CSMD1: variants seen among roughly 807,000 people sequenced by gnomAD.
The protein encoded by CSMD1 is CUB and Sushi multiple domains 1, also known as CUB and sushi domain-containing protein 1.
CSMD1 carries 213 observed loss-of-function variants against 417.5 expected under a neutral mutation model. The ratio of observed to expected loss-of-function variants is 0.51; its 90% CI spans 0.46 to 0.57. The LOEUF (loss-of-function observed/expected upper bound fraction) is 0.57. Among genes scored for constraint, CSMD1 ranks in the 20% least tolerant of loss-of-function variants. The pLI, the probability that CSMD1 is intolerant of heterozygous loss-of-function variation, is 0.00. For synonymous variants in CSMD1, 2,862 were observed against 1,736.8 expected (o/e 1.65, Z -16.11); for missense variants, 6,923 against 4,529.7 (o/e 1.53, Z -15.17).
intron 4 of CSMD1, among the ~76,000 whole-genome samples, chr8:3,999,875 G>C (rs961452854): frequency 2.6e-5 from 4 of 152,126 alleles, no homozygotes; most frequent in Non-Finnish European, 5.9e-5. Flanking sequence ...GTTGTGGAAA[G>C]GGCTGCCCAT....
In CSMD1 at chr8:4,030,659, G is replaced by T. The variant is rs193249452; in HGVS notation, c.610+1246C>A. 6.6e-4 allele frequency among the ~76,000 whole-genome samples: 101 copies of T among 152,268 alleles called. 1 individual carries two copies. Among genetic ancestry groups the T allele is most frequent in the African/African-American group, 2.3e-3 (97 of 41,566 alleles). ...TGGAGGCATTTTCCCCATGGTCTTG[G>T]GGATTAACTTTTGGCTTCTTGTTAC... On this transcript the variant is annotated intron_variant, in intron 4 of 69. Coordinates refer to ENST00000635120, the MANE Select transcript of CSMD1 (RefSeq NM_033225.6).
At chr8:3,471,183 G>A (rs934854255) in intron 11 of CSMD1, among the ~76,000 whole-genome samples, 1 of 152,240 alleles carries the variant, frequency 6.6e-6, no homozygotes, top group Admixed American at 6.5e-5. Context: ...GGTGTTGTCG[G>A]CATTTTTCCA....
At chr8:3,735,239 A>G (rs1360631916) in intron 6 of CSMD1, among the ~76,000 whole-genome samples, 1 of 152,154 alleles carries the variant, frequency 6.6e-6, no homozygotes, top group African/African-American at 2.4e-5. Flanking sequence ...TCTGATTTGG[A>G]TATTTAGTGA....
chr8:4,314,999 C>CA (rs1466356419), intron 3 of CSMD1, among the ~76,000 whole-genome samples: 1 of 152,132 alleles, frequency 6.6e-6, no homozygotes, highest in African/African-American at 2.4e-5. Flanking sequence ...ATAGTACTGA[C>CA]AGCCCCAGCC....
intron 1 of CSMD1, among the ~76,000 whole-genome samples, chr8:4,901,351 A>T (rs961565637): frequency 3.9e-5 from 6 of 152,222 alleles, no homozygotes; most frequent in African/African-American, 9.6e-5. Context: ...TGGTATTAGA[A>T]GTGTAGTTAT....
chr8:4,089,412 T>C (rs1419739651), intron 3 of CSMD1, among the ~76,000 whole-genome samples: 1 of 152,162 alleles, frequency 6.6e-6, no homozygotes, highest in Non-Finnish European at 1.5e-5. Context: ...AAATGGTACA[T>C]GGTTAGCATT....
At chr8:4,718,071 T>C (rs1009167485) in intron 1 of CSMD1, among the ~76,000 whole-genome samples, 1 of 152,168 alleles carries the variant, frequency 6.6e-6, no homozygotes, top group Admixed American at 6.6e-5. Context: ...TCTACCTCCC[T>C]GGATCAGGAG....
chr8:4,914,392 C>A (rs546742248), intron 1 of CSMD1, among the ~76,000 whole-genome samples: 141 of 151,948 alleles, frequency 9.3e-4, no homozygotes, highest in African/African-American at 3.3e-3. Flanking sequence ...CTGGCTAACA[C>A]GGTGAAACTC....
At chr8:4,453,538 G>A (rs149250171) in intron 2 of CSMD1, among the ~76,000 whole-genome samples, 1 of 152,198 alleles carries the variant, frequency 6.6e-6, no homozygotes, top group African/African-American at 2.4e-5. Context: ...AGAGAACACA[G>A]CCGACAGAAT....
chr8:3,724,779 G>C (rs927533243), intron 6 of CSMD1, among the ~76,000 whole-genome samples: 3 of 152,164 alleles, frequency 2.0e-5, no homozygotes, highest in Non-Finnish European at 4.4e-5. Context: ...AAAGCCATAA[G>C]AATACCAGCA....
At chr8:4,420,112 G>T in intron 2 of CSMD1, 47 bp from the exon 3 acceptor site, 1 of 1,323,610 alleles carries the variant, frequency 7.6e-7, no homozygotes, top group Non-Finnish European at 1.0e-6. Flanking sequence ...GCATGAATTT[G>T]TCAAAAAAAG....
intron 3 of CSMD1, among the ~76,000 whole-genome samples, chr8:4,293,203 G>C (rs73660735): frequency 6.6e-6 from 1 of 152,284 alleles, no homozygotes; most frequent in African/African-American, 2.4e-5. Flanking sequence ...GAGAGGAAGA[G>C]AGCCCAATGA....
chr8:3,504,960 G>A (rs539955203), intron 10 of CSMD1, among the ~76,000 whole-genome samples: 6 of 151,688 alleles, frequency 4.0e-5, no homozygotes, highest in Non-Finnish European at 7.4e-5. Context: ...CAACAACAAA[G>A]ATTAACCAGT....
At chr8:4,301,159 G>T (rs1056136231) in intron 3 of CSMD1, among the ~76,000 whole-genome samples, 1 of 152,132 alleles carries the variant, frequency 6.6e-6, no homozygotes, top group African/African-American at 2.4e-5. Context: ...TTGTTGTGAT[G>T]GAAAAGAACG....
Position 4,753,446 on chromosome 8 carries a change from CAT to C in CSMD1, c.86-115890_86-115889del, listed in dbSNP as rs1251628439. ...ACACACACACACACACACACACACA[CAT>C]GCGCACACACTCCTTTGTGTCTTAT... is the stretch of plus-strand genomic sequence containing the variant. On this transcript the variant is annotated intron_variant, in intron 1 of 69. Transcript: ENST00000635120. 3.1e-3 allele frequency among the ~76,000 whole-genome samples: 387 copies of C among 125,246 alleles called. 1 individual carries two copies. The highest frequency in any genetic ancestry group is 7.8e-3 in the Middle Eastern group (2 of 256). 82.2% of individuals were successfully genotyped at this position (125,246 alleles called of 152,430 possible).
intron 10 of CSMD1, among the ~76,000 whole-genome samples, chr8:3,536,135 C>A (rs914967216): frequency 5.1e-4 from 77 of 152,300 alleles, no homozygotes; most frequent in African/African-American, 1.7e-3. Flanking sequence ...GCTGTGATAT[C>A]CGGATCATCA....
chr8:3,004,660 C>A (rs1807715982), intron 52 of CSMD1, among the ~76,000 whole-genome samples: 1 of 152,112 alleles, frequency 6.6e-6, no homozygotes. Context: ...CAATTACTAC[C>A]ACACTTCATG....
chr8:4,482,415 G>A (rs1801149490), intron 2 of CSMD1, among the ~76,000 whole-genome samples: 1 of 152,148 alleles, frequency 6.6e-6, no homozygotes, highest in Non-Finnish European at 1.5e-5. Context: ...CTCCTGCAAA[G>A]GACATGATCT....
intron 1 of CSMD1, among the ~76,000 whole-genome samples, chr8:4,822,699 T>G (rs1347750492): frequency 6.6e-6 from 1 of 152,168 alleles, no homozygotes; most frequent in East Asian, 1.9e-4. Flanking sequence ...TATACAATGT[T>G]GTCTCTCCTA....
Sources: allele counts gnomAD v4.1 joint callset (sites outside exome capture counted in the v4.1 genomes callset), GRCh38; gene constraint gnomAD v4.1.1; transcripts MANE v1.5; gene names NCBI Gene and HGNC (gene_info 2026-07-23, HGNC 2026-07-21).